Variants in CAP2 observed in about 807,000 individuals in gnomAD.
CAP2 encodes cyclase associated actin cytoskeleton regulatory protein 2.
A neutral mutation model predicts 57.7 loss-of-function variants in CAP2; 24 were observed. The ratio of observed to expected loss-of-function variants is 0.42; its 90% CI spans 0.30 to 0.58. CAP2 has a LOEUF of 0.58. Among genes scored for constraint, CAP2 ranks in the 20% least tolerant of loss-of-function variants. The pLI is 0.22. For missense variants in CAP2, 501 were observed against 590.3 expected (o/e 0.85, Z 1.57); for synonymous variants, 194 against 207.2 (o/e 0.94, Z 0.55).
chr6:17,395,740 A>C (rs992443939), intron 1 of CAP2, among the ~76,000 whole-genome samples: 1 of 152,186 alleles, frequency 6.6e-6, no homozygotes, highest in Non-Finnish European at 1.5e-5. Context: ...ATTATGTAAC[A>C]TTTTATATGT....
At chr6:17,500,558 A>G (rs145365514) in intron 4 of CAP2, among the ~76,000 whole-genome samples, 19 of 151,278 alleles carry the variant, frequency 1.3e-4, no homozygotes, top group African/African-American at 4.4e-4. Flanking sequence ...CACCTGTATA[A>G]TTTATTCTGG....
At chr6:17,457,388 C>T (rs1760600276) in intron 3 of CAP2, among the ~76,000 whole-genome samples, 1 of 152,212 alleles carries the variant, frequency 6.6e-6, no homozygotes, top group Admixed American at 6.5e-5. Flanking sequence ...AGTTACCAGA[C>T]TCAGCAGGTT....
Position 17,438,183 on chromosome 6 carries a change from T to C in CAP2, c.222+11493T>C, listed in dbSNP as rs561949810. ...GAGTTCAAGACCAGCTTGGCCAACATGGTGAAACCCCGTCTCTACTAAAAA... is the reference window on the plus strand; with the variant it reads ...GAGTTCAAGACCAGCTTGGCCAACACGGTGAAACCCCGTCTCTACTAAAAA... On this transcript the variant is annotated intron_variant, in intron 3 of 12. Coordinates refer to ENST00000229922, the MANE Select transcript of CAP2 (RefSeq NM_006366.3). Among the ~76,000 whole-genome samples the C allele has an allele frequency of 1.0e-4, 15 of 149,494 alleles. No individual in the cohort carries two copies. In the East Asian group the frequency reaches 2.9e-3, roughly 29 times the overall value.
Position 17,513,994 on chromosome 6 carries a change from C to A in CAP2, c.636+40C>A. ...TTCCTCCACGTGTGTAAAAAAAGGC[C>A]ATGACTATATATACACCCTGTGGCC... On this transcript the variant is annotated intron_variant, in intron 7 of 12. Coordinates refer to ENST00000229922, the MANE Select transcript of CAP2 (RefSeq NM_006366.3). This position sits in a 1 kb window ranked among gnomAD's most constrained non-coding sequence, Gnocchi z 4.3. The A allele has an allele frequency of 3.3e-6, 4 of 1,218,134 alleles. No homozygotes were observed. The highest frequency in any genetic ancestry group is 4.9e-6 in the Non-Finnish European group (4 of 818,966). The allele number at this position is 1,218,134 out of a possible 1,614,324, so 75.5% of individuals were successfully genotyped here.
At chr6:17,516,064 G>A (rs1762269894) in intron 7 of CAP2, among the ~76,000 whole-genome samples, 1 of 152,184 alleles carries the variant, frequency 6.6e-6, no homozygotes, top group Non-Finnish European at 1.5e-5. Context: ...TTCCCCCGGG[G>A]AGGTACCCCT....
chr6:17,533,913 G>A (rs760815771), intron 7 of CAP2, among the ~76,000 whole-genome samples: 3 of 152,092 alleles, frequency 2.0e-5, no homozygotes, highest in East Asian at 3.8e-4. Flanking sequence ...CCAATAGAAC[G>A]TACTTTTTCA....
intron 4 of CAP2, among the ~76,000 whole-genome samples, chr6:17,488,975 G>C (rs1379205483): frequency 6.6e-6 from 1 of 152,180 alleles, no homozygotes; most frequent in East Asian, 1.9e-4. Flanking sequence ...AAACTCCACT[G>C]TGCTGAGGGG....
At chr6:17,417,111 A>G (rs1224847724) in intron 1 of CAP2, among the ~76,000 whole-genome samples, 3 of 150,724 alleles carry the variant, frequency 2.0e-5, no homozygotes, top group Non-Finnish European at 4.4e-5. Context: ...CAAAAAACAA[A>G]CAACCTTGAA....
At chr6:17,555,427 C>A (rs1763278082) in intron 12 of CAP2, among the ~76,000 whole-genome samples, 1 of 152,040 alleles carries the variant, frequency 6.6e-6, no homozygotes, top group Admixed American at 6.6e-5. Context: ...CTCCCAACCT[C>A]AGGTGATCCA....
chr6:17,410,707 G>C (rs377557303), intron 1 of CAP2, among the ~76,000 whole-genome samples: 1 of 151,778 alleles, frequency 6.6e-6, no homozygotes, highest in African/African-American at 2.4e-5. Context: ...ACAGGTGACC[G>C]CCACCACGCC....
intron 4 of CAP2, among the ~76,000 whole-genome samples, chr6:17,469,322 T>C (rs114158706): frequency 7.7e-4 from 117 of 152,318 alleles, no homozygotes; most frequent in African/African-American, 2.7e-3. Flanking sequence ...GGCTTTCTGC[T>C]GCCTTCACAC....
At chr6:17,396,220 C>T (rs1320242507) in intron 1 of CAP2, among the ~76,000 whole-genome samples, 1 of 152,116 alleles carries the variant, frequency 6.6e-6, no homozygotes. Flanking sequence ...TAAGATGGTG[C>T]CCTCACTTTG....
At chr6:17,528,839 A>T (rs1302112973) in intron 7 of CAP2, among the ~76,000 whole-genome samples, 5 of 152,144 alleles carry the variant, frequency 3.3e-5, no homozygotes, top group Non-Finnish European at 7.3e-5. Flanking sequence ...ATTATACAGC[A>T]CTTCACTGTG....
chr6:17,405,435 A>G (rs1454390197), intron 1 of CAP2, among the ~76,000 whole-genome samples: 1 of 152,180 alleles, frequency 6.6e-6, no homozygotes. Context: ...ATTAACAATA[A>G]TAACTAATAA....
intron 12 of CAP2, among the ~76,000 whole-genome samples, chr6:17,552,466 C>G (rs551941496): frequency 8.6e-5 from 13 of 152,004 alleles, no homozygotes; most frequent in African/African-American, 1.2e-4. Flanking sequence ...CTGGCCAACA[C>G]GGCAAAAGCC....
chr6:17,543,225 G>A (rs1762950675), intron 11 of CAP2, 82 bp downstream of exon 11: 3 of 1,137,780 alleles, frequency 2.6e-6, no homozygotes, highest in Admixed American at 3.5e-5. Flanking sequence ...TTCCAACCAC[G>A]CTGTAGTAAG....
At chr6:17,521,412 C>T (rs188667802) in intron 7 of CAP2, among the ~76,000 whole-genome samples, 82 of 151,468 alleles carry the variant, frequency 5.4e-4, no homozygotes, top group Non-Finnish European at 1.0e-3. Context: ...AGCGAGACTC[C>T]GTCTCAGAAA....
intron 1 of CAP2, among the ~76,000 whole-genome samples, chr6:17,402,069 G>A (rs1199764451): frequency 6.6e-6 from 1 of 152,156 alleles, no homozygotes; most frequent in Non-Finnish European, 1.5e-5. Context: ...TATATGCAAA[G>A]GTTTGCCAAA....
chr6:17,487,590 T>C (rs1479042617), intron 4 of CAP2, among the ~76,000 whole-genome samples: 1 of 151,924 alleles, frequency 6.6e-6, no homozygotes, highest in Non-Finnish European at 1.5e-5. Context: ...CTGCCTCAGC[T>C]TCCTGAGTAG....
Sources: allele counts gnomAD v4.1 joint callset (sites outside exome capture counted in the v4.1 genomes callset), GRCh38; gene constraint gnomAD v4.1.1; non-coding constraint Gnocchi (gnomAD v3.1); transcripts MANE v1.5; gene names NCBI Gene and HGNC (gene_info 2026-07-23, HGNC 2026-07-21).